ARAP2: variants seen among roughly 807,000 people sequenced by gnomAD.
ARAP2 encodes the protein arf-GAP with Rho-GAP domain, ANK repeat and PH domain-containing protein 2.
Under a neutral mutation model 194.5 loss-of-function variants are expected in ARAP2, and 148 were observed. That is an observed-to-expected ratio of 0.76 (90% CI 0.67 to 0.87). The LOEUF (loss-of-function observed/expected upper bound fraction) is 0.87, where lower values mean the gene tolerates loss of function less well. ARAP2 is among the 40% of genes least tolerant of loss of function. The pLI, the probability that ARAP2 is intolerant of heterozygous loss-of-function variation, is 0.00. For missense variants in ARAP2, 2,128 were observed against 1,989.7 expected (o/e 1.07, Z -1.32); for synonymous variants, 695 against 683.5 (o/e 1.02, Z -0.26).
chr4:36,173,434 T>C (rs1039023426), intron 9 of ARAP2, among the ~76,000 whole-genome samples: 5 of 152,110 alleles, frequency 3.3e-5, no homozygotes, highest in African/African-American at 4.8e-5. Flanking sequence ...TGTTCCAGAA[T>C]ACGGAAGCTC....
chr4:36,095,885 A>G (rs1372682740), intron 27 of ARAP2, among the ~76,000 whole-genome samples: 4 of 152,118 alleles, frequency 2.6e-5, no homozygotes, highest in Non-Finnish European at 5.9e-5. Flanking sequence ...TTCCTGTAAA[A>G]CAAGAGTAAT....
intron 15 of ARAP2, among the ~76,000 whole-genome samples, chr4:36,155,711 G>A (rs1416919765): frequency 1.3e-5 from 2 of 150,422 alleles, no homozygotes; most frequent in East Asian, 3.9e-4. Flanking sequence ...TCCCAGGCTG[G>A]AAGTGCAGTG....
In ARAP2 at chr4:36,107,610, C is replaced by T; in HGVS notation, c.4240G>A (p.Val1414Met). ...TCAGCGGTTAAGAATCTCTTCACCA[C>T]CAGGTAAGCAGAGCCAGGTTCAGCT... Reference protein sequence around the residue: ...SLAEPGSAYLVVKRFLTADTI... With the variant: ...SLAEPGSAYLMVKRFLTADTI... Residue 1414 changes from valine (V) to methionine (M), a missense_variant, in exon 27 of 33, where the codon GTG becomes ATG. Transcript: ENST00000303965. The T allele has an allele frequency of 6.2e-7, 1 of 1,610,770 alleles. No individual in the cohort carries two copies. Among genetic ancestry groups the T allele is most frequent in the Non-Finnish European group, 8.5e-7 (1 of 1,178,094 alleles).
chr4:36,160,663 C>T (rs201077080), intron 12 of ARAP2, 22 bp from the exon 13 acceptor site: 199 of 1,378,604 alleles, frequency 1.4e-4, no homozygotes, highest in Non-Finnish European at 1.9e-4. Context: ...AAAAAAAAAC[C>T]CCATAATATA....
intron 6 of ARAP2, among the ~76,000 whole-genome samples, chr4:36,203,149 T>C (rs1744776812): frequency 6.6e-6 from 1 of 152,194 alleles, no homozygotes; most frequent in Admixed American, 6.5e-5. Context: ...AATAGTCTAG[T>C]TTTATTCAAT....
chr4:36,203,371 G>A (rs781604686), intron 6 of ARAP2, among the ~76,000 whole-genome samples: 7 of 151,962 alleles, frequency 4.6e-5, no homozygotes, highest in African/African-American at 1.7e-4. Context: ...ATCACCTGAG[G>A]TCAGGAGATC....
chr4:36,073,288 G>T (rs1292592656), intron 32 of ARAP2, among the ~76,000 whole-genome samples: 1 of 152,056 alleles, frequency 6.6e-6, no homozygotes, highest in South Asian at 2.1e-4. Context: ...AGTTCCCAAA[G>T]CACTGGAATG....
chr4:36,089,233 AT>A (rs1712842713), intron 28 of ARAP2, among the ~76,000 whole-genome samples: 1 of 152,008 alleles, frequency 6.6e-6, no homozygotes, highest in African/African-American at 2.4e-5. Flanking sequence ...ATATGATACT[AT>A]TTTGTGTCAA....
At chr4:36,132,777 T>G (rs1725736624) in intron 20 of ARAP2, among the ~76,000 whole-genome samples, 2 of 151,704 alleles carry the variant, frequency 1.3e-5, no homozygotes, top group African/African-American at 4.8e-5. Context: ...ACATGCACAC[T>G]TTATGTATGC....
At chr4:36,060,092 T>C (rs1041029565) in intron 1 of ARAP2, among the ~76,000 whole-genome samples, 3 of 152,128 alleles carry the variant, frequency 2.0e-5, no homozygotes, top group African/African-American at 7.2e-5. Flanking sequence ...AGGTTGTTGT[T>C]AAGCCAGTCA....
chr4:36,155,647 ATTTATTTTTTTT>A (rs1211683808), intron 15 of ARAP2, among the ~76,000 whole-genome samples: 4 of 147,326 alleles, frequency 2.7e-5, no homozygotes, highest in East Asian at 3.9e-4. Context: ...TTTATTTTTT[ATTTATTTTTTTT>A]TTTATTTTTA....
chr4:36,093,680 G>A (rs755907273), intron 27 of ARAP2, among the ~76,000 whole-genome samples: 14 of 152,204 alleles, frequency 9.2e-5, no homozygotes, highest in South Asian at 2.1e-4. Flanking sequence ...TGTTACAACG[G>A]TGTGTAACGC....
intron 2 of ARAP2, among the ~76,000 whole-genome samples, chr4:36,215,004 T>C (rs535862775): frequency 8.3e-4 from 126 of 152,254 alleles, no homozygotes; most frequent in Non-Finnish European, 3.8e-4. Context: ...AAGGAAGATA[T>C]TACAGGGCAA....
chr4:36,157,872 A>G (rs1174763237), intron 15 of ARAP2, among the ~76,000 whole-genome samples: 1 of 152,074 alleles, frequency 6.6e-6, no homozygotes, highest in Non-Finnish European at 1.5e-5. Flanking sequence ...GAGGATTAAC[A>G]CTCTACAGTG....
intron 8 of ARAP2, chr4:36,012,919 C>T (rs1217614043): frequency 6.6e-6 from 1 of 152,138 alleles, no homozygotes; most frequent in Non-Finnish European, 1.5e-5. Context: ...GCCTGCTTTA[C>T]CAAACTTTAT....
chr4:36,019,186 C>T (rs889724900), exon 6 of ARAP2: 1 of 149,472 alleles, frequency 6.7e-6, no homozygotes, highest in South Asian at 2.1e-4. Flanking sequence ...TTTAATTATG[C>T]TTGGTTCAGT....
intron 7 of ARAP2, among the ~76,000 whole-genome samples, chr4:36,193,296 T>A (rs1742356393): frequency 6.6e-6 from 1 of 152,066 alleles, no homozygotes; most frequent in Non-Finnish European, 1.5e-5. Flanking sequence ...TATTAGGGGG[T>A]GGAAATCTCC....
intron 6 of ARAP2, among the ~76,000 whole-genome samples, chr4:36,017,940 C>T (rs996868454): frequency 3.9e-5 from 6 of 152,138 alleles, no homozygotes; most frequent in Non-Finnish European, 7.4e-5. Context: ...TAACAAAAAT[C>T]ATGTATGATT....
intron 5 of ARAP2, chr4:36,019,333 C>T (rs1285694864): frequency 6.7e-6 from 1 of 149,080 alleles, no homozygotes; most frequent in Non-Finnish European, 1.5e-5. Flanking sequence ...TGAAATAAAC[C>T]CTTTTAATGT....
Sources: gnomAD v4.1 joint callset for allele counts (sites outside exome capture counted in the v4.1 genomes callset) on GRCh38, gnomAD v4.1.1 for gene constraint, MANE v1.5 for transcripts, NCBI Gene and HGNC (gene_info 2026-07-23, HGNC 2026-07-21) for gene names.